The following MB21D2 variants were observed in gnomAD, a reference collection of about 807,000 sequenced individuals.
MB21D2 encodes the protein Mab-21 domain containing 2.
In MB21D2, 9 loss-of-function variants were observed where a neutral mutation model predicts 33.3. The observed-to-expected ratio is 0.27, with a 90% confidence interval of 0.16 to 0.47. The LOEUF is 0.47. Ranked by LOEUF, MB21D2 falls within the 20% of genes least tolerant of loss-of-function variation. The pLI is 0.99. For missense variants in MB21D2, 540 were observed against 624.6 expected (o/e 0.86, Z 1.44); for synonymous variants, 241 against 236.3 (o/e 1.02, Z -0.18).
In MB21D2 at chr3:192,803,491, C is replaced by T. The variant is rs139455633; in HGVS notation, c.212-3841G>A. 3.7e-4 allele frequency among the ~76,000 whole-genome samples: 57 copies of T among 152,312 alleles called. 1 individual carries two copies. Among genetic ancestry groups the T allele is most frequent in the East Asian group, 2.5e-3 (13 of 5,188 alleles). On this transcript the variant is annotated intron_variant, in intron 1 of 1. Transcript: ENST00000392452. ...AGAAGCTAATCCCTTCCTACATCCA[C>T]ATTTCCATTTAGCCTCCCTGAGCCC...
chr3:192,799,307 A>T lies in MB21D2; in HGVS notation c.555T>A (p.Ala185=). The T allele has an allele frequency of 6.2e-7, 1 of 1,614,262 alleles. No individual in the cohort carries two copies. The highest frequency in any genetic ancestry group is 8.5e-7 in the Non-Finnish European group (1 of 1,180,050). Residue 185 remains alanine (A), a synonymous_variant, in exon 2 of 2, where the codon GCT becomes GCA. Coordinates refer to ENST00000392452, the MANE Select transcript of MB21D2 (RefSeq NM_178496.4). The surrounding 1 kb of genome is among the most constrained non-coding windows in gnomAD (Gnocchi z 4.1). ...TGCTGATAGAGTCATAGAACCAGTC[A>T]GCCACTTTGGTAGGTGAGAAGAAGT... The part of the protein sequence containing the change: ...TNYFFSPTKV[A]DWFYDSISIV...
At chr3:192,897,579 C>T (rs911779645) in intron 1 of MB21D2, among the ~76,000 whole-genome samples, 2 of 152,158 alleles carry the variant, frequency 1.3e-5, no homozygotes, top group African/African-American at 4.8e-5. Flanking sequence ...GAAAATCTCC[C>T]AGCTTTTAAA....
rs560135301 is a variant in MB21D2 at position 192,884,850 on chromosome 3, G to A, written c.211+32780C>T. On this transcript the variant is annotated intron_variant, in intron 1 of 1. Transcript: ENST00000392452. ...AGGAGCCCAATAAATATCTGAATAC[G>A]TGGACAAATCCATGAATCACTCAGG... 5.5e-4 allele frequency among the ~76,000 whole-genome samples: 84 copies of A among 152,118 alleles called. 1 individual carries two copies. Among genetic ancestry groups the A allele is most frequent in the African/African-American group, 1.8e-3 (76 of 41,414 alleles).
At chr3:192,841,607 T>C (rs1461405927) in intron 1 of MB21D2, among the ~76,000 whole-genome samples, 2 of 152,236 alleles carry the variant, frequency 1.3e-5, no homozygotes, top group Admixed American at 6.5e-5. Context: ...TTCCAAAGGC[T>C]GCGGCTCTGG....
chr3:192,816,223 TA>T (rs11423810), intron 1 of MB21D2, among the ~76,000 whole-genome samples: 1 of 150,686 alleles, frequency 6.6e-6, no homozygotes, highest in African/African-American at 2.4e-5. Context: ...TTTTTTTTTT[TA>T]AAAAAAAAGA....
chr3:192,844,983 C>A (rs955428342), intron 1 of MB21D2, among the ~76,000 whole-genome samples: 23 of 152,186 alleles, frequency 1.5e-4, no homozygotes, highest in Non-Finnish European at 7.3e-5. Flanking sequence ...CCCTTTCGTT[C>A]CCACTTGGAA....
At chr3:192,895,981 C>T (rs183503942) in intron 1 of MB21D2, among the ~76,000 whole-genome samples, 11 of 152,282 alleles carry the variant, frequency 7.2e-5, no homozygotes, top group Admixed American at 2.6e-4. Context: ...TCTCTTTTTA[C>T]AGGCAACATA....
chr3:192,866,795 T>C (rs1227894030), intron 1 of MB21D2, among the ~76,000 whole-genome samples: 2 of 152,144 alleles, frequency 1.3e-5, no homozygotes, highest in Non-Finnish European at 2.9e-5. Context: ...AAAGTTCCCA[T>C]CTTTAGAAGA....
chr3:192,831,192 G>A (rs939544478), intron 1 of MB21D2, among the ~76,000 whole-genome samples: 6 of 152,118 alleles, frequency 3.9e-5, no homozygotes, highest in South Asian at 2.1e-4. Flanking sequence ...TCACTATGTC[G>A]CAGCACTTCA....
chr3:192,840,201 C>T (rs139561067), intron 1 of MB21D2, among the ~76,000 whole-genome samples: 3 of 152,198 alleles, frequency 2.0e-5, no homozygotes, highest in African/African-American at 7.2e-5. Flanking sequence ...AAATTCGAGG[C>T]GTTCAAGTTT....
chr3:192,882,237 T>A (rs1001196809), intron 1 of MB21D2, among the ~76,000 whole-genome samples: 1 of 152,034 alleles, frequency 6.6e-6, no homozygotes, highest in Non-Finnish European at 1.5e-5. Context: ...GCGATTCTCC[T>A]GCTAATTTTG....
chr3:192,876,479 T>C (rs1713429790), intron 1 of MB21D2, among the ~76,000 whole-genome samples: 1 of 152,214 alleles, frequency 6.6e-6, no homozygotes, highest in Non-Finnish European at 1.5e-5. Context: ...ATTGCAACAC[T>C]TTCCTAACTG....
chr3:192,830,577 C>T (rs1011045776), intron 1 of MB21D2, among the ~76,000 whole-genome samples: 1 of 152,176 alleles, frequency 6.6e-6, no homozygotes, highest in Admixed American at 6.5e-5. Context: ...TCTCTGGTTA[C>T]TTCTCCCCAA....
intron 1 of MB21D2, among the ~76,000 whole-genome samples, chr3:192,878,279 G>T (rs1468604408): frequency 3.3e-5 from 5 of 151,986 alleles, no homozygotes; most frequent in Admixed American, 6.5e-5. Context: ...TGACTCCATG[G>T]TGTATTATCT....
chr3:192,898,431 G>A (rs1327039457), intron 1 of MB21D2, among the ~76,000 whole-genome samples: 4 of 152,124 alleles, frequency 2.6e-5, no homozygotes, highest in Non-Finnish European at 5.9e-5. Context: ...TTCAAAAGAT[G>A]TCAGTCTTAT....
chr3:192,849,030 T>C (rs1712730498), intron 1 of MB21D2, among the ~76,000 whole-genome samples: 1 of 152,216 alleles, frequency 6.6e-6, no homozygotes, highest in South Asian at 2.1e-4. Context: ...TCTATTCTAA[T>C]TGTGCTTAAC....
At chr3:192,804,358 T>TCAAA (rs1335241053) in intron 1 of MB21D2, among the ~76,000 whole-genome samples, 2 of 394 alleles carry the variant, frequency 5.1e-3, no homozygotes, top group Non-Finnish European at 7.5e-3. Flanking sequence ...CTGTGAAAAC[T>TCAAA]CAGAGAGTTC....
chr3:192,849,237 C>G (rs946380907), intron 1 of MB21D2, among the ~76,000 whole-genome samples: 9 of 146,118 alleles, frequency 6.2e-5, no homozygotes, highest in African/African-American at 2.3e-4. Flanking sequence ...GAATTCTGTA[C>G]TGTGAGACTC....
intron 1 of MB21D2, among the ~76,000 whole-genome samples, chr3:192,813,243 T>C (rs1228956405): frequency 1.3e-5 from 2 of 151,650 alleles, no homozygotes; most frequent in Admixed American, 1.3e-4. Context: ...GGGTTCCCAA[T>C]GCATATTCAG....
Sources: gnomAD v4.1 joint callset for allele counts (sites outside exome capture counted in the v4.1 genomes callset) on GRCh38, gnomAD v4.1.1 for gene constraint, Gnocchi (gnomAD v3.1) non-coding constraint, MANE v1.5 for transcripts, NCBI Gene and HGNC (gene_info 2026-07-23, HGNC 2026-07-21) for gene names.